OOSP3: variants seen among roughly 807,000 people sequenced by gnomAD.
OOSP3 encodes oocyte-secreted protein 3.
At chr11:59,890,029 A>T (rs934318517) in intron 2 of OOSP3, among the ~76,000 whole-genome samples, 24 of 152,116 alleles carry the variant, frequency 1.6e-4, no homozygotes, top group African/African-American at 5.6e-4. Context: ...TTTACCATGT[A>T]ATGACCTTCT....
intron 2 of OOSP3, among the ~76,000 whole-genome samples, chr11:59,885,888 T>G (rs1286226043): frequency 6.6e-6 from 1 of 152,074 alleles, no homozygotes; most frequent in Non-Finnish European, 1.5e-5. Context: ...TTATTTTAAT[T>G]TTTTAAAATT....
chr11:59,886,903 G>T (rs1281213848), intron 2 of OOSP3, among the ~76,000 whole-genome samples: 2 of 151,250 alleles, frequency 1.3e-5, no homozygotes, highest in African/African-American at 4.9e-5. Flanking sequence ...CGATTCTGCT[G>T]CCTCAGCCTC....
intron 2 of OOSP3, among the ~76,000 whole-genome samples, chr11:59,890,866 G>A (rs540695300): frequency 2.8e-4 from 42 of 152,312 alleles, no homozygotes; most frequent in African/African-American, 8.9e-4. Flanking sequence ...ATATCCTGAA[G>A]TGTGTTTTCC....
chr11:59,889,324 T>C (rs767349071), intron 2 of OOSP3, among the ~76,000 whole-genome samples: 1 of 152,152 alleles, frequency 6.6e-6, no homozygotes, highest in Non-Finnish European at 1.5e-5. Flanking sequence ...TGAGCTTGGC[T>C]ATTTCTTGTC....
At chr11:59,891,402 CT>C (rs1316166479) in intron 2 of OOSP3, among the ~76,000 whole-genome samples, 1 of 152,168 alleles carries the variant, frequency 6.6e-6, no homozygotes, top group Non-Finnish European at 1.5e-5. Context: ...TTTTCCTCAT[CT>C]TCTTGGATGT....
rs73490941 is a variant in OOSP3, at chr11:59,883,800, T to A, written c.252+3361T>A. ...ATCCCCATTGTACAGAAGAGGATAA[T>A]GAAGTTCAAAAAGATTAAGTAACCT... On this transcript the variant is annotated intron_variant, in intron 2 of 4. Transcript: ENST00000646438. Among the ~76,000 whole-genome samples the A allele has an allele frequency of 5.4e-3, 829 of 152,294 alleles. 6 individuals are homozygous for A. Among genetic ancestry groups the A allele is most frequent in the African/African-American group, 0.018 (743 of 41,560 alleles).
At chr11:59,889,321 G>A (rs1030332002) in intron 2 of OOSP3, among the ~76,000 whole-genome samples, 2 of 151,230 alleles carry the variant, frequency 1.3e-5, no homozygotes, top group South Asian at 4.2e-4. Context: ...CTCTGAGCTT[G>A]GCTATTTCTT....
chr11:59,888,186 T>A (rs1441109658), intron 2 of OOSP3, among the ~76,000 whole-genome samples: 2 of 152,236 alleles, frequency 1.3e-5, no homozygotes, highest in African/African-American at 4.8e-5. Flanking sequence ...GTTTATCAGC[T>A]TAAGAAGCTT....
chr11:59,894,950 A>T (rs959072510), intron 3 of OOSP3, among the ~76,000 whole-genome samples: 7 of 152,208 alleles, frequency 4.6e-5, no homozygotes, highest in African/African-American at 1.7e-4. Flanking sequence ...TCTATTCTAC[A>T]TAATACCTAA....
chr11:59,879,902 A>G (rs1212522125), intron 1 of OOSP3, among the ~76,000 whole-genome samples: 1 of 152,202 alleles, frequency 6.6e-6, no homozygotes, highest in South Asian at 2.1e-4. Context: ...AGTCATTTAC[A>G]CTGGCCTAAT....
At position 59,896,109 on chromosome 11, in the gene OOSP3, ACTAC is replaced by A. The variant is rs1188691014; in HGVS notation, c.502-21_502-18del. On this transcript the variant is annotated intron_variant, in intron 4 of 4. Transcript: ENST00000646438. ...GGGTTACATTGGAAACTTTTTATTA[ACTAC>A]CTTTCTTTTTTCTCTGTAGGTAGAG... 2.5e-6 allele frequency: 1 copy of A among 398,234 alleles called. No individual in the cohort carries two copies. The highest frequency in any genetic ancestry group is 4.4e-6 in the Non-Finnish European group (1 of 225,864). The allele number at this position is 398,234 out of a possible 1,614,324, so 24.7% of individuals were successfully genotyped here.
At chr11:59,886,895 A>G (rs1853266351) in intron 2 of OOSP3, among the ~76,000 whole-genome samples, 1 of 150,962 alleles carries the variant, frequency 6.6e-6, no homozygotes, top group Non-Finnish European at 1.5e-5. Flanking sequence ...GATTCAAGCG[A>G]TTCTGCTGCC....
At chr11:59,886,598 C>T (rs1028189913) in intron 2 of OOSP3, among the ~76,000 whole-genome samples, 1 of 152,156 alleles carries the variant, frequency 6.6e-6, no homozygotes, top group Non-Finnish European at 1.5e-5. Context: ...AAAAGAGTTC[C>T]TATTTCTCTG....
intron 2 of OOSP3, among the ~76,000 whole-genome samples, chr11:59,892,082 C>G (rs1853317214): frequency 6.6e-6 from 1 of 152,226 alleles, no homozygotes; most frequent in Admixed American, 6.5e-5. Context: ...CAGCTCAGTG[C>G]CTGCCTGAGC....
rs535514971 is a variant in OOSP3 at position 59,895,350 on chromosome 11, C to G, written c.351-152C>G. 2.2e-5 allele frequency among the ~76,000 whole-genome samples: 3 copies of G among 139,298 alleles called. No individual in the cohort carries two copies. The South Asian group carries it at 6.8e-4, about 31-fold the overall frequency. The allele number at this position is 139,298 out of a possible 152,430, so 91.4% of individuals were successfully genotyped here. On this transcript the variant is annotated intron_variant, in intron 3 of 4. Transcript: ENST00000646438. ...TTTGTTAATCCTTAAAAAAAAAAGGCAAGTAGAAGGCAGAGAGGTAGCAGT... is the reference window on the plus strand; with the variant it reads ...TTTGTTAATCCTTAAAAAAAAAAGGGAAGTAGAAGGCAGAGAGGTAGCAGT...
intron 2 of OOSP3, among the ~76,000 whole-genome samples, chr11:59,888,475 C>A (rs1313391497): frequency 6.6e-6 from 1 of 152,046 alleles, no homozygotes; most frequent in Non-Finnish European, 1.5e-5. Flanking sequence ...TATGTTCTTT[C>A]AAACCTAGTT....
chr11:59,890,166 G>T (rs771143839), intron 2 of OOSP3, among the ~76,000 whole-genome samples: 13 of 151,930 alleles, frequency 8.6e-5, no homozygotes, highest in Non-Finnish European at 1.6e-4. Context: ...TATCCTATTT[G>T]TGTCTTTGCA....
At chr11:59,882,459 T>C (rs1268881081) in intron 2 of OOSP3, among the ~76,000 whole-genome samples, 1 of 152,208 alleles carries the variant, frequency 6.6e-6, no homozygotes, top group Admixed American at 6.5e-5. Context: ...TTTGATTTAA[T>C]ACCTTATCAA....
At chr11:59,882,593 A>T (rs1022046396) in intron 2 of OOSP3, among the ~76,000 whole-genome samples, 1 of 152,214 alleles carries the variant, frequency 6.6e-6, no homozygotes, top group African/African-American at 2.4e-5. Context: ...TTTCAACAGT[A>T]TTAAAAACAA....
Sources: allele counts gnomAD v4.1 joint callset (sites outside exome capture counted in the v4.1 genomes callset), GRCh38; gene constraint gnomAD v4.1.1; transcripts MANE v1.5; gene names NCBI Gene and HGNC (gene_info 2026-07-23, HGNC 2026-07-21).